IFT56: variants seen among roughly 807,000 people sequenced by gnomAD.
IFT56 encodes intraflagellar transport protein 56.
chr7:139,160,908 C>T, the IFT56 span: 1 of 1,504,154 alleles, frequency 6.6e-7, no homozygotes, highest in South Asian at 1.2e-5. Context: ...AAGAACTATA[C>T]ACTTGTCATT....
chr7:139,164,832 A>C, the IFT56 span, among the ~76,000 whole-genome samples: 1 of 152,202 alleles, frequency 6.6e-6, no homozygotes, highest in Non-Finnish European at 1.5e-5. Context: ...GTATAGAGAG[A>C]GTGATAATGG....
chr7:139,163,434 G>A, the IFT56 span, among the ~76,000 whole-genome samples: 1 of 152,140 alleles, frequency 6.6e-6, no homozygotes, highest in African/African-American at 2.4e-5. Flanking sequence ...ACATCATGGA[G>A]CAAGAGGACA....
At chr7:139,175,978 C>T in the IFT56 span, among the ~76,000 whole-genome samples, 3 of 151,886 alleles carry the variant, frequency 2.0e-5, no homozygotes, top group African/African-American at 2.4e-5. Flanking sequence ...TACAGGCGCC[C>T]GCACCACGCC....
chr7:139,140,549 G>C, the IFT56 span, among the ~76,000 whole-genome samples: 1 of 152,070 alleles, frequency 6.6e-6, no homozygotes, highest in South Asian at 2.1e-4. Flanking sequence ...GGAGGCCAAG[G>C]TGGGCAGATC....
the IFT56 span, among the ~76,000 whole-genome samples, chr7:139,168,872 A>C: frequency 6.6e-6 from 1 of 152,198 alleles, no homozygotes; most frequent in East Asian, 1.9e-4. Flanking sequence ...AATGGGATAC[A>C]AATAAATCTT....
the IFT56 span, among the ~76,000 whole-genome samples, chr7:139,176,048 A>G: frequency 6.6e-6 from 1 of 151,766 alleles, no homozygotes; most frequent in Non-Finnish European, 1.5e-5. Context: ...TGAACTCCTG[A>G]CCTCAAATGA....
At chr7:139,191,424 G>A in the IFT56 span, 2 of 152,164 alleles carry the variant, frequency 1.3e-5, no homozygotes, top group Admixed American at 6.5e-5. Flanking sequence ...GGGAGAACTC[G>A]TCTGCAGGTT....
chr7:139,185,615 A>ATCTT, the IFT56 span, among the ~76,000 whole-genome samples: 1 of 152,042 alleles, frequency 6.6e-6, no homozygotes, highest in Non-Finnish European at 1.5e-5. Context: ...TATACTTAAG[A>ATCTT]GAGAACATAA....
the IFT56 span, chr7:139,173,718 A>G: frequency 2.6e-6 from 2 of 769,738 alleles, no homozygotes; most frequent in East Asian, 4.9e-5. Context: ...TCATTGGCTG[A>G]AAAGGCTGCA....
At chr7:139,169,390 T>C in the IFT56 span, 1 of 1,560,062 alleles carries the variant, frequency 6.4e-7, no homozygotes, top group African/African-American at 1.4e-5. Flanking sequence ...TGCTTCATAA[T>C]TGGAGTGGGG....
the IFT56 span, chr7:139,133,859 T>C: frequency 1.9e-6 from 3 of 1,614,170 alleles, no homozygotes; most frequent in Non-Finnish European, 2.5e-6. Flanking sequence ...GACGTCAAGA[T>C]GGTTAGTGGC....
the IFT56 span, among the ~76,000 whole-genome samples, chr7:139,151,541 T>A: frequency 6.6e-6 from 1 of 152,118 alleles, no homozygotes; most frequent in African/African-American, 2.4e-5. Flanking sequence ...TGACTTTAGG[T>A]GAAATACTTA....
At chr7:139,139,163 A>T in the IFT56 span, among the ~76,000 whole-genome samples, 211 of 152,240 alleles carry the variant, frequency 1.4e-3, 4 homozygotes, top group Non-Finnish European at 3.4e-4. Flanking sequence ...AAATTTGAAG[A>T]ACGTTCATAA....
chr7:139,157,196 G>A, the IFT56 span, among the ~76,000 whole-genome samples: 2 of 135,982 alleles, frequency 1.5e-5, no homozygotes, highest in African/African-American at 5.3e-5. Flanking sequence ...GCCCAGGCTG[G>A]AGTGCAGTGG....
the IFT56 span, among the ~76,000 whole-genome samples, chr7:139,137,315 C>G: frequency 6.6e-6 from 1 of 152,178 alleles, no homozygotes; most frequent in South Asian, 2.1e-4. Context: ...GGTAAGCTAG[C>G]CTGCTCAAGG....
the IFT56 span, chr7:139,174,342 G>A: frequency 1.9e-6 from 1 of 534,548 alleles, no homozygotes. Flanking sequence ...TTAACATGAA[G>A]ACAGAAAGTG....
chr7:139,140,731 C>T, the IFT56 span, among the ~76,000 whole-genome samples: 33,277 of 139,806 alleles, frequency 0.24, 6,836 homozygotes, highest in African/African-American at 0.52. Flanking sequence ...GCCCAGATCG[C>T]GCCATTGCAC....
the IFT56 span, among the ~76,000 whole-genome samples, chr7:139,159,194 A>C: frequency 6.6e-6 from 1 of 152,126 alleles, no homozygotes; most frequent in African/African-American, 2.4e-5. Flanking sequence ...TATTTCTTAA[A>C]TGTTTGGTAG....
the IFT56 span, among the ~76,000 whole-genome samples, chr7:139,176,114 C>T: frequency 2.0e-5 from 3 of 151,804 alleles, no homozygotes; most frequent in Non-Finnish European, 2.9e-5. Flanking sequence ...CCACCGCACC[C>T]GGCTTAAGAT....
Sources: gnomAD v4.1 joint callset for allele counts (sites outside exome capture counted in the v4.1 genomes callset) on GRCh38, gnomAD v4.1.1 for gene constraint, MANE v1.5 for transcripts, NCBI Gene and HGNC (gene_info 2026-07-23, HGNC 2026-07-21) for gene names.